Variants in HMCN1 observed in about 807,000 individuals in gnomAD.
HMCN1 encodes hemicentin 1.
A neutral mutation model predicts 625.9 loss-of-function variants in HMCN1; 321 were observed. That is an observed-to-expected ratio of 0.51 (90% CI 0.47 to 0.56). The LOEUF is 0.56. Among genes scored for constraint, HMCN1 ranks in the 20% least tolerant of loss-of-function variants. The pLI, the probability that HMCN1 is intolerant of heterozygous loss-of-function variation, is 0.00. For synonymous variants in HMCN1, 2,425 were observed against 2,417.6 expected (o/e 1.00, Z -0.09); for missense variants, 6,588 against 6,887.3 (o/e 0.96, Z 1.54).
At chr1:185,769,201 A>G (rs1457769319) in intron 1 of HMCN1, among the ~76,000 whole-genome samples, 2 of 152,132 alleles carry the variant, frequency 1.3e-5, no homozygotes, top group African/African-American at 4.8e-5. Flanking sequence ...TAATCCCAGC[A>G]CTTCGGAAGG....
intron 6 of HMCN1, 137 bp downstream of exon 6, chr1:185,911,917 G>A: frequency 1.5e-6 from 1 of 688,758 alleles, no homozygotes; most frequent in South Asian, 1.5e-5. Context: ...ACGTACATAG[G>A]TGTTTGTAGG....
Position 186,018,205 on chromosome 1 carries a change from A to C in HMCN1, c.5323A>C (p.Ile1775Leu). 6.2e-7 allele frequency: 1 copy of C among 1,612,738 alleles called. No homozygotes were observed. Among genetic ancestry groups the C allele is most frequent in the Non-Finnish European group, 8.5e-7 (1 of 1,178,998 alleles). The change falls in exon 34 of 107, where the codon ATT (isoleucine) becomes CTT (leucine). Residue 1775 changes from isoleucine (I) to leucine (L), a missense_variant. Coordinates refer to ENST00000271588, the MANE Select transcript of HMCN1 (RefSeq NM_031935.3). ...TAGGTGGCTGAAGGATGGCCAGTTA[A>C]TTGATGAAAGGGATGGATTCAAGAT... is the stretch of plus-strand genomic sequence containing the variant. The part of the protein sequence containing the change: ...TIMWLKDGQL[I>L]DERDGFKILL...
At chr1:185,833,624 T>G (rs913367698) in intron 1 of HMCN1, among the ~76,000 whole-genome samples, 1 of 152,158 alleles carries the variant, frequency 6.6e-6, no homozygotes, top group African/African-American at 2.4e-5. Flanking sequence ...TTGATTTTTA[T>G]GATTAAATAC....
intron 13 of HMCN1, 39 bp downstream of exon 13, chr1:185,963,934 G>T: frequency 6.4e-7 from 1 of 1,564,488 alleles, no homozygotes. Flanking sequence ...AAAATAGGAT[G>T]AATATCACAT....
chr1:186,070,838 C>T, intron 52 of HMCN1, 81 bp downstream of exon 52: 1 of 1,330,520 alleles, frequency 7.5e-7, no homozygotes, highest in Non-Finnish European at 1.1e-6. Context: ...AAAATAGACA[C>T]AAGTGACTCA....
At chr1:186,098,198 C>A (rs1660225204) in intron 68 of HMCN1, among the ~76,000 whole-genome samples, 1 of 151,922 alleles carries the variant, frequency 6.6e-6, no homozygotes. Context: ...CAAAAATAGA[C>A]AAATGGTATT....
intron 89 of HMCN1, among the ~76,000 whole-genome samples, chr1:186,142,415 G>A (rs1336179777): frequency 1.3e-5 from 2 of 152,116 alleles, no homozygotes; most frequent in South Asian, 2.1e-4. Context: ...TACTGTTGTT[G>A]GGTGTTTTGG....
chr1:186,093,828 C>T (rs1349806835), intron 66 of HMCN1, among the ~76,000 whole-genome samples, 159 bp downstream of exon 66: 1 of 151,982 alleles, frequency 6.6e-6, no homozygotes, highest in Non-Finnish European at 1.5e-5. Context: ...AACAAATATA[C>T]AGTTGAAATG....
chr1:185,808,395 T>C (rs1464467849), intron 1 of HMCN1, among the ~76,000 whole-genome samples: 2 of 152,054 alleles, frequency 1.3e-5, no homozygotes, highest in Admixed American at 6.6e-5. Context: ...GGTGCATGCC[T>C]GTAGTCCTAA....
chr1:186,070,536 C>A, intron 51 of HMCN1, 76 bp from the exon 52 acceptor site: 1 of 1,268,414 alleles, frequency 7.9e-7, no homozygotes, highest in Non-Finnish European at 1.2e-6. Flanking sequence ...GATAAGTAAT[C>A]CTCAGTGTGA....
Position 186,065,363 on chromosome 1 carries a change from A to G in HMCN1, c.7639A>G (p.Arg2547Gly), listed in dbSNP as rs1658040789. ...CAATGTCCAGGTGCCACACACTGGA[A>G]GATATACATGTTTGGCTTCCAGTCC... ...ITNVQVPHTG[R>G]YTCLASSPAG... Residue 2547 changes from arginine to glycine, a missense_variant, in exon 49 of 107, where the codon AGA becomes GGA. Physicochemically the swap from Arg to Gly is moderately radical, Grantham distance 125. This residue lies in a region of HMCN1 where 4,628 missense variants were observed against 4,853.1 expected (regional missense o/e 0.95). Transcript: ENST00000271588. 6.2e-7 allele frequency: 1 copy of G among 1,611,964 alleles called. No homozygotes were observed. Among genetic ancestry groups the G allele is most frequent in the African/African-American group, 1.3e-5 (1 of 74,878 alleles).
At position 186,119,801 on chromosome 1, in the gene HMCN1, A is replaced by G. The variant is rs764325305; in HGVS notation, c.12013A>G (p.Ile4005Val). ...ACTACACGTCATTCTGAACAATCCT[A>G]TTTTATTACCATGTGAAGCAACAGG... ...SELHVILNNP[I>V]LLPCEATGTP... The change falls in exon 79 of 107, where the codon ATT becomes GTT. Residue 4005 changes from isoleucine (I) to valine (V), a missense_variant. Physicochemically the swap from Ile to Val is conservative, Grantham distance 29. Coordinates refer to ENST00000271588, the MANE Select transcript of HMCN1 (RefSeq NM_031935.3). 5.6e-6 allele frequency: 9 copies of G among 1,613,908 alleles called. No individual in the cohort carries two copies. In the Admixed American group the frequency reaches 8.3e-5, roughly 15 times the overall value.
intron 68 of HMCN1, among the ~76,000 whole-genome samples, chr1:186,096,364 C>T (rs1026334904): frequency 3.9e-5 from 6 of 152,142 alleles, no homozygotes; most frequent in Admixed American, 1.3e-4. Flanking sequence ...CTTACTTCTG[C>T]ATTCCCAGTG....
chr1:186,058,937 A>G (rs1343433950), intron 46 of HMCN1, among the ~76,000 whole-genome samples: 1 of 152,020 alleles, frequency 6.6e-6, no homozygotes, highest in African/African-American at 2.4e-5. Context: ...TGTCTATAAT[A>G]CTCACTATAT....
At chr1:186,107,596 A>G (rs976240766) in intron 70 of HMCN1, among the ~76,000 whole-genome samples, 5 of 152,266 alleles carry the variant, frequency 3.3e-5, no homozygotes, top group African/African-American at 7.2e-5. Flanking sequence ...TTTTAAAAAC[A>G]TTTTTAGTGA....
In HMCN1 at chr1:186,187,965, C is replaced by T. The variant is rs771830039; in HGVS notation, c.16497C>T (p.Ile5499=). The part of the protein sequence containing the change: ...CFNMRGSYQC[I]DTPCPPNYQR... Reference sequence around the variant, plus strand: ...ACATGAGAGGAAGCTACCAGTGCATCGATACACCCTGTCCACCCAACTACC... The same window carrying T: ...ACATGAGAGGAAGCTACCAGTGCATTGATACACCCTGTCCACCCAACTACC... Residue 5499 remains isoleucine, a synonymous_variant, in exon 106 of 107, where the codon ATC becomes ATT. Transcript: ENST00000271588. 5.6e-6 allele frequency: 9 copies of T among 1,613,646 alleles called. No individual in the cohort carries two copies. Among genetic ancestry groups the T allele is most frequent in the South Asian group, 4.4e-5 (4 of 91,082 alleles).
rs557335521 is a variant in HMCN1 at position 185,763,809 on chromosome 1, C to T, written c.268+28762C>T. Among the ~76,000 whole-genome samples the T allele has an allele frequency of 3.3e-5, 5 of 152,268 alleles. No homozygotes were observed. The South Asian group carries it at 1.0e-3, about 32-fold the overall frequency. ...CCTGAAGTCACTTACACATAGCTCTCTGTTATCCAATTACTCATGTTCTAA... is the reference window on the plus strand; with the variant it reads ...CCTGAAGTCACTTACACATAGCTCTTTGTTATCCAATTACTCATGTTCTAA... On this transcript the variant is annotated intron_variant, in intron 1 of 106. Transcript: ENST00000271588.
chr1:186,168,702 T>C (rs1023478355), intron 100 of HMCN1, among the ~76,000 whole-genome samples: 5 of 151,998 alleles, frequency 3.3e-5, no homozygotes, highest in African/African-American at 1.2e-4. Context: ...GGGATTTGGT[T>C]ATGAGAGGAA....
chr1:186,175,876 C>CAAAAAAA (rs758445916), intron 103 of HMCN1, among the ~76,000 whole-genome samples: 53 of 75,840 alleles, frequency 7.0e-4, no homozygotes, highest in Middle Eastern at 7.4e-3. Flanking sequence ...AACTATGTCT[C>CAAAAAAA]AAAAAAAAAA....
Sources: gnomAD v4.1 joint callset for allele counts (sites outside exome capture counted in the v4.1 genomes callset) on GRCh38, gnomAD v4.1.1 for gene constraint, gnomAD v4.1.1 regional missense constraint, MANE v1.5 for transcripts, NCBI Gene and HGNC (gene_info 2026-07-23, HGNC 2026-07-21) for gene names.